The following LRRC37A2 variants were observed in gnomAD, a reference collection of about 807,000 sequenced individuals.
LRRC37A2 encodes leucine rich repeat containing 37 member A2.
Under a neutral mutation model 68.8 loss-of-function variants are expected in LRRC37A2, and 9 were observed. That is an observed-to-expected ratio of 0.13 (90% CI 0.08 to 0.23). LRRC37A2 has a LOEUF of 0.23. LRRC37A2 is among the 10% of genes least tolerant of loss of function. The pLI, the probability that LRRC37A2 is intolerant of heterozygous loss-of-function variation, is 1.00. For synonymous variants in LRRC37A2, 63 were observed against 367.6 expected (o/e 0.17, Z 9.48); for missense variants, 168 against 950.4 (o/e 0.18, Z 10.82).
the LRRC37A2 span, among the ~76,000 whole-genome samples, chr17:46,610,041 C>CTCTCTCTG: frequency 1.7e-5 from 2 of 118,656 alleles, no homozygotes; most frequent in East Asian, 4.2e-4. Context: ...CTCTCTCTCT[C>CTCTCTCTG]TCTTTCTTTC....
chr17:46,716,504 G>A, the LRRC37A2 span, among the ~76,000 whole-genome samples: 1 of 152,198 alleles, frequency 6.6e-6, no homozygotes, highest in South Asian at 2.1e-4. Context: ...TGATCCGCAC[G>A]CCTCAGCCTC....
At chr17:46,418,207 G>T in the LRRC37A2 span, among the ~76,000 whole-genome samples, 1 of 44,788 alleles carries the variant, frequency 2.2e-5, no homozygotes, top group Non-Finnish European at 7.5e-5. Flanking sequence ...GTGTGTGTGT[G>T]TGTGTGTTTG....
the LRRC37A2 span, chr17:46,773,637 C>T: frequency 3.9e-6 from 2 of 515,920 alleles, no homozygotes; most frequent in Non-Finnish European, 3.3e-6. Context: ...CCCACCCAGC[C>T]CCTCCCCCCC....
At chr17:46,940,490 A>G in the LRRC37A2 span, 1 of 1,613,396 alleles carries the variant, frequency 6.2e-7, no homozygotes, top group Admixed American at 1.7e-5. Flanking sequence ...GACCTAGCGC[A>G]GGACTTTTGG....
the LRRC37A2 span, among the ~76,000 whole-genome samples, chr17:47,001,346 G>C: frequency 6.6e-6 from 1 of 152,128 alleles, no homozygotes; most frequent in Non-Finnish European, 1.5e-5. Context: ...CAGCACGCCG[G>C]CCTGAAAAAG....
At chr17:46,940,957 A>C in the LRRC37A2 span, 1 of 1,237,302 alleles carries the variant, frequency 8.1e-7, no homozygotes, top group Non-Finnish European at 1.0e-6. Context: ...GACTCTCTCC[A>C]CCGCCTCAGT....
chr17:46,723,338 A>G, the LRRC37A2 span, among the ~76,000 whole-genome samples: 10 of 152,328 alleles, frequency 6.6e-5, 1 homozygote, highest in South Asian at 2.1e-3. Flanking sequence ...AAAGCAAAGC[A>G]TTATTTTCAG....
At chr17:46,944,295 C>T in the LRRC37A2 span, among the ~76,000 whole-genome samples, 3 of 152,352 alleles carry the variant, frequency 2.0e-5, no homozygotes, top group East Asian at 1.9e-4. Context: ...GTGGTAAGAG[C>T]GCTGAGCCCA....
At chr17:46,722,253 G>A in the LRRC37A2 span, 3 of 1,122,638 alleles carry the variant, frequency 2.7e-6, no homozygotes, top group Non-Finnish European at 4.0e-6. Context: ...ACATTCTTAA[G>A]ATTAATTTTG....
At chr17:46,850,661 A>G in the LRRC37A2 span, among the ~76,000 whole-genome samples, 1 of 152,184 alleles carries the variant, frequency 6.6e-6, no homozygotes, top group African/African-American at 2.4e-5. Context: ...CATTGGTTGT[A>G]TGTCTCCTTT....
chr17:46,736,868 A>T, the LRRC37A2 span, among the ~76,000 whole-genome samples: 2 of 152,216 alleles, frequency 1.3e-5, no homozygotes, highest in Non-Finnish European at 2.9e-5. Context: ...TAACTCTCAC[A>T]GTTGTCCTGG....
chr17:47,027,357 A>G, the LRRC37A2 span, among the ~76,000 whole-genome samples: 1 of 152,182 alleles, frequency 6.6e-6, no homozygotes, highest in Non-Finnish European at 1.5e-5. Context: ...TATGTTGTAT[A>G]TTTATTAAAA....
the LRRC37A2 span, among the ~76,000 whole-genome samples, chr17:46,942,572 C>T: frequency 6.6e-6 from 1 of 152,310 alleles, no homozygotes; most frequent in Admixed American, 6.5e-5. Flanking sequence ...AGCCTGCTGG[C>T]ATGGACTATA....
At chr17:46,751,899 G>A in the LRRC37A2 span, among the ~76,000 whole-genome samples, 11 of 152,264 alleles carry the variant, frequency 7.2e-5, no homozygotes, top group South Asian at 1.0e-3. Flanking sequence ...AAGAGCAGTC[G>A]TTCTTCTGCC....
the LRRC37A2 span, among the ~76,000 whole-genome samples, chr17:46,908,500 AAG>A: frequency 8.6e-5 from 13 of 151,944 alleles, no homozygotes; most frequent in African/African-American, 3.1e-4. Flanking sequence ...CTGGATGTGG[AAG>A]AGAGAAGGGC....
At chr17:46,881,361 G>T in the LRRC37A2 span, among the ~76,000 whole-genome samples, 1 of 152,230 alleles carries the variant, frequency 6.6e-6, no homozygotes, top group Non-Finnish European at 1.5e-5. Flanking sequence ...AGTAATGACA[G>T]ACACGTCCAC....
chr17:46,900,160 TAC>T, the LRRC37A2 span, among the ~76,000 whole-genome samples: 3 of 61,448 alleles, frequency 4.9e-5, no homozygotes, highest in Admixed American at 3.0e-4. Flanking sequence ...TCTATATATA[TAC>T]ATATACATAT....
At chr17:47,034,638 C>G in the LRRC37A2 span, among the ~76,000 whole-genome samples, 1 of 151,698 alleles carries the variant, frequency 6.6e-6, no homozygotes, top group African/African-American at 2.4e-5. Flanking sequence ...AGGCTGGTCT[C>G]AAACTCCTGG....
the LRRC37A2 span, chr17:46,773,965 G>A: frequency 1.9e-4 from 295 of 1,584,838 alleles, no homozygotes; most frequent in Non-Finnish European, 2.4e-4. Context: ...AGCCCATCCT[G>A]GGCACCATGG....
Sources: allele counts gnomAD v4.1 joint callset (sites outside exome capture counted in the v4.1 genomes callset), GRCh38; gene constraint gnomAD v4.1.1; transcripts MANE v1.5; gene names NCBI Gene and HGNC (gene_info 2026-07-23, HGNC 2026-07-21).